Variants in AXL observed in about 807,000 individuals in gnomAD.
The protein encoded by AXL is AXL receptor tyrosine kinase.
AXL carries 52 observed loss-of-function variants against 104.5 expected under a neutral mutation model. The ratio of observed to expected loss-of-function variants is 0.50; its 90% CI spans 0.40 to 0.63. AXL has a LOEUF of 0.63. AXL is among the 20% of genes least tolerant of loss of function. AXL has a pLI of 0.00. For synonymous variants in AXL, 455 were observed against 473.7 expected, an observed-to-expected ratio of 0.96 and a Z score of 0.51; for missense variants, 1,024 against 1,188.5, an observed-to-expected ratio of 0.86 and a Z score of 2.04.
chr19:41,256,713 G>A, intron 18 of AXL, 102 bp downstream of exon 18: 1 of 1,489,122 alleles, frequency 6.7e-7, no homozygotes, highest in South Asian at 1.2e-5. Flanking sequence ...ACAGGGACAT[G>A]TGGGCTTCCC....
intron 11 of AXL, 40 bp from the exon 12 acceptor site, chr19:41,243,576 T>G: frequency 6.6e-7 from 1 of 1,510,680 alleles, no homozygotes; most frequent in East Asian, 2.3e-5. Flanking sequence ...GGGTTCCACA[T>G]GGTTTTTCCC....
Position 41,253,706 on chromosome 19 carries a change from C to A in AXL, c.2034C>A (p.Cys678Ter), listed in dbSNP as rs2122280661. ...ACCGGGACCTGGCGGCCAGGAACTG[C>A]ATGTGAGTGCCTTTCAGGGACCCCC... Reference protein sequence around the residue: ...FIHRDLAARNCMLNENMSVCV... With the variant: ...FIHRDLAARN Residue 678 changes from cysteine (C) to a stop codon, truncating the protein, a stop_gained and splice_region_variant, in exon 17 of 20, where the codon TGC becomes TGA. Coordinates refer to ENST00000301178, the MANE Select transcript of AXL (RefSeq NM_021913.5). LOFTEE classifies it high-confidence loss of function. 6.2e-7 allele frequency: 1 copy of A among 1,601,314 alleles called. No individual in the cohort carries two copies. The highest frequency in any genetic ancestry group is 8.5e-7 in the Non-Finnish European group (1 of 1,173,084).
intron 18 of AXL, 59 bp from the exon 19 acceptor site, chr19:41,257,434 G>T: frequency 6.2e-7 from 1 of 1,608,076 alleles, no homozygotes; most frequent in Non-Finnish European, 8.5e-7. Flanking sequence ...ATGAACCTGG[G>T]TATTGGTGCG....
chr19:41,220,888 C>T (rs768918634), intron 2 of AXL, 30 bp downstream of exon 2: 1 of 1,606,684 alleles, frequency 6.2e-7, no homozygotes, highest in Non-Finnish European at 8.5e-7. Flanking sequence ...AATCCCACTC[C>T]CACCTCCGTC....
At chr19:41,238,696 T>A in intron 8 of AXL, 87 bp downstream of exon 8, 4 of 1,483,300 alleles carry the variant, frequency 2.7e-6, no homozygotes, top group Non-Finnish European at 3.6e-6. Context: ...GTTGTGAAGG[T>A]TGGGTAGTAC....
chr19:41,219,581 G>A (rs938493100), intron 1 of AXL, 104 bp downstream of exon 1: 93 of 1,353,040 alleles, frequency 6.9e-5, no homozygotes, highest in Non-Finnish European at 8.8e-5. Context: ...GGCTGGCTTA[G>A]GGAGTTTCCT....
At chr19:41,240,488 A>C (rs1389228529) in intron 10 of AXL, among the ~76,000 whole-genome samples, 1 of 152,034 alleles carries the variant, frequency 6.6e-6, no homozygotes, top group Non-Finnish European at 1.5e-5. Context: ...GGATGGATGG[A>C]TGAATGAGGT....
At chr19:41,223,969 G>T (rs960534821) in intron 4 of AXL, among the ~76,000 whole-genome samples, 2 of 149,780 alleles carry the variant, frequency 1.3e-5, no homozygotes. Context: ...TCCCATGTGT[G>T]GTGTGTGTGT....
intron 1 of AXL, among the ~76,000 whole-genome samples, chr19:41,220,069 T>A (rs1007369745): frequency 5.2e-5 from 7 of 135,106 alleles, no homozygotes; most frequent in African/African-American, 1.5e-4. Flanking sequence ...GCTCTCTGAG[T>A]CTCTCTCTCT....
At chr19:41,227,494 T>G (rs2033903134) in intron 4 of AXL, among the ~76,000 whole-genome samples, 1 of 151,512 alleles carries the variant, frequency 6.6e-6, no homozygotes, top group Admixed American at 6.6e-5. Flanking sequence ...GGGCCTTTTT[T>G]TTTTTTTTTT....
chr19:41,239,832 T>C, intron 10 of AXL, 112 bp downstream of exon 10: 1 of 1,443,726 alleles, frequency 6.9e-7, no homozygotes, highest in Non-Finnish European at 9.7e-7. Context: ...AACTCATCAC[T>C]CTAACCTACT....
intron 6 of AXL, among the ~76,000 whole-genome samples, chr19:41,233,741 C>T (rs984354081): frequency 1.3e-5 from 2 of 150,058 alleles, no homozygotes; most frequent in African/African-American, 2.4e-5. Context: ...CATCCTCCTC[C>T]CCTCCCCGGG....
At chr19:41,247,141 A>G (rs773411554) in intron 12 of AXL, among the ~76,000 whole-genome samples, 106 of 152,360 alleles carry the variant, frequency 7.0e-4, no homozygotes, top group Admixed American at 4.7e-3. Flanking sequence ...AAATCAAGAA[A>G]GTGGCTACCC....
chr19:41,248,758 T>G lies in AXL; in HGVS notation c.1649T>G (p.Val550Gly). The G allele has an allele frequency of 1.2e-6, 2 of 1,614,070 alleles. No individual in the cohort carries two copies. Among genetic ancestry groups the G allele is most frequent in the Non-Finnish European group, 1.7e-6 (2 of 1,180,016 alleles). Reference sequence around the variant, plus strand: ...CCCCCCACAGGAGAGTTTGGAGCTGTGATGGAAGGCCAGCTCAACCAGGAC... The same window carrying G: ...CCCCCCACAGGAGAGTTTGGAGCTGGGATGGAAGGCCAGCTCAACCAGGAC... ...KTLGEGEFGAVMEGQLNQDDS... is the reference protein window; with the variant it reads ...KTLGEGEFGAGMEGQLNQDDS... Residue 550 changes from valine to glycine, a missense_variant, in exon 14 of 20, where the codon GTG (valine) becomes GGG (glycine). Transcript: ENST00000301178.
rs1568413407 is a variant in AXL at position 41,239,176 on chromosome 19, A to G, written c.1147A>G (p.Ile383Val). 1.2e-6 allele frequency: 2 copies of G among 1,613,356 alleles called. No homozygotes were observed. Among genetic ancestry groups the G allele is most frequent in the Non-Finnish European group, 1.7e-6 (2 of 1,179,542 alleles). ...GQDTPEVLMD[I>V]GLRQEVTLEL... ...CTGGACCTCCTAGGTGCTAATGGAC[A>G]TAGGGCTAAGGCAAGAGGTGACCCT... The change falls in exon 9 of 20, where the codon ATA becomes GTA. Residue 383 changes from isoleucine to valine, a missense_variant. Physicochemically the swap from Ile to Val is conservative, Grantham distance 29. Around this residue, in one of 5 missense-constraint regions of AXL, gnomAD observed 332 missense variants for 343.9 expected, o/e 0.97. Coordinates refer to ENST00000301178, the MANE Select transcript of AXL (RefSeq NM_021913.5).
chr19:41,253,095 G>A (rs772530163), intron 16 of AXL, 128 bp downstream of exon 16: 7 of 972,076 alleles, frequency 7.2e-6, no homozygotes, highest in African/African-American at 1.6e-5. Context: ...TCTTCCAGCA[G>A]GGGAGGGGCG....
At chr19:41,228,940 G>T (rs12978098) in intron 4 of AXL, among the ~76,000 whole-genome samples, 65,808 of 137,540 alleles carry the variant, frequency 0.48, 15,870 homozygotes, top group African/African-American at 0.66. Flanking sequence ...TTCTTTCTTT[G>T]TCTTTTCTTT....
rs558823493 is a variant in AXL at position 41,256,539 on chromosome 19, C to T, written c.2124C>T (p.Ile708=). The T allele has an allele frequency of 1.9e-5, 30 of 1,614,216 alleles. No homozygotes were observed. The East Asian group carries it at 5.1e-4, about 28-fold the overall frequency. ...GGGACTACTACCGCCAGGGACGTAT[C>T]GCCAAGATGCCAGTCAAGTGGATTG... ...YNGDYYRQGR[I]AKMPVKWIAI... Residue 708 remains isoleucine, a synonymous_variant, in exon 18 of 20, where the codon ATC becomes ATT. Transcript: ENST00000301178.
intron 11 of AXL, 94 bp from the exon 12 acceptor site, chr19:41,243,522 G>A: frequency 2.0e-6 from 2 of 979,064 alleles, no homozygotes; most frequent in Non-Finnish European, 3.3e-6. Context: ...GGCAGGCAGG[G>A]CTTGAGGCTG....
Sources: allele counts gnomAD v4.1 joint callset (sites outside exome capture counted in the v4.1 genomes callset), GRCh38; gene constraint gnomAD v4.1.1; regional missense constraint gnomAD v4.1.1; transcripts MANE v1.5; gene names NCBI Gene and HGNC (gene_info 2026-07-23, HGNC 2026-07-21).